PLCB1: variants seen among roughly 807,000 people sequenced by gnomAD.
The protein encoded by PLCB1 is phospholipase C beta 1, also known as 1-phosphatidylinositol 4,5-bisphosphate phosphodiesterase beta-1.
In PLCB1, 46 loss-of-function variants were observed where a neutral mutation model predicts 161.8. That is an observed-to-expected ratio of 0.28 (90% CI 0.22 to 0.36). The LOEUF is 0.36. PLCB1 is among the 10% of genes least tolerant of loss of function. The pLI is 1.00. For missense variants in PLCB1, 1,016 were observed against 1,472.5 expected (o/e 0.69, Z 5.07); for synonymous variants, 517 against 503.7 (o/e 1.03, Z -0.35).
chr20:8,781,417 AAC>A (rs745610188), intron 27 of PLCB1, among the ~76,000 whole-genome samples: 6,262 of 27,958 alleles, frequency 0.22, 358 homozygotes, highest in African/African-American at 0.34. Flanking sequence ...CACACACACA[AAC>A]ACACACACAC....
intron 20 of PLCB1, 91 bp from the exon 21 acceptor site, chr20:8,739,170 A>G (rs1160578102): frequency 1.2e-6 from 1 of 836,382 alleles, no homozygotes; most frequent in East Asian, 2.4e-5. Flanking sequence ...AAGAGAAAAG[A>G]AAAGCTAGTC....
At chr20:8,541,239 C>T (rs1424092373) in intron 3 of PLCB1, among the ~76,000 whole-genome samples, 4 of 152,172 alleles carry the variant, frequency 2.6e-5, no homozygotes, top group African/African-American at 9.7e-5. Flanking sequence ...TTTGTAACTG[C>T]TGGTGTGCCA....
intron 27 of PLCB1, among the ~76,000 whole-genome samples, chr20:8,782,948 G>A (rs1443669725): frequency 6.6e-6 from 1 of 152,130 alleles, no homozygotes; most frequent in Non-Finnish European, 1.5e-5. Context: ...TCCCTTTTGA[G>A]TTAGAGTCAA....
chr20:8,342,120 T>G (rs1985830903), intron 2 of PLCB1, among the ~76,000 whole-genome samples: 1 of 151,908 alleles, frequency 6.6e-6, no homozygotes, highest in Non-Finnish European at 1.5e-5. Context: ...TGCTCTGGAG[T>G]GTTGAGAATT....
intron 3 of PLCB1, among the ~76,000 whole-genome samples, chr20:8,496,447 T>C (rs1168029560): frequency 6.6e-6 from 1 of 152,186 alleles, no homozygotes; most frequent in Non-Finnish European, 1.5e-5. Context: ...GAGGCTGCAT[T>C]AAGCAGTGAT....
At chr20:8,653,879 G>A (rs545244229) in intron 7 of PLCB1, among the ~76,000 whole-genome samples, 5 of 151,936 alleles carry the variant, frequency 3.3e-5, no homozygotes, top group Non-Finnish European at 7.4e-5. Flanking sequence ...GACAAGTTTT[G>A]TAACCTCCTA....
intron 2 of PLCB1, among the ~76,000 whole-genome samples, chr20:8,331,258 G>A (rs1403542663): frequency 6.6e-6 from 1 of 151,954 alleles, no homozygotes. Context: ...ATGTTTTACA[G>A]ACAAAGACTT....
intron 31 of PLCB1, among the ~76,000 whole-genome samples, chr20:8,841,661 G>T (rs6140752): frequency 0.81 from 123,384 of 152,210 alleles, 50,154 homozygotes; most frequent in East Asian, 0.86. Flanking sequence ...ACTCTTACAC[G>T]TGTGCTAATT....
At position 8,684,909 on chromosome 20, in the gene PLCB1, C is replaced by T. The variant is rs189535872; in HGVS notation, c.863-23C>T. 398 of 1,601,052 alleles carry T rather than the reference C, an allele frequency of 2.5e-4. 1 individual carries two copies. The African/African-American group carries it at 4.4e-3, about 18-fold the overall frequency. ...ACCCATAAAAGAATGCATTCACATC[C>T]TTTCTAACTTCATTTCCTCCAGGAC... On this transcript the variant is annotated intron_variant, in intron 9 of 31. Transcript: ENST00000338037.
chr20:8,774,432 G>A, intron 26 of PLCB1, 107 bp from the exon 27 acceptor site: 1 of 1,113,816 alleles, frequency 9.0e-7, no homozygotes, highest in Non-Finnish European at 1.3e-6. Context: ...ATGAAAATAT[G>A]TATTTCCAAA....
intron 31 of PLCB1, among the ~76,000 whole-genome samples, chr20:8,843,148 C>A (rs996708419): frequency 1.3e-5 from 2 of 152,176 alleles, no homozygotes; most frequent in African/African-American, 4.8e-5. Flanking sequence ...TTAACTTACA[C>A]ATTAAGTTTT....
intron 2 of PLCB1, among the ~76,000 whole-genome samples, chr20:8,211,061 G>A (rs1179138438): frequency 1.3e-5 from 2 of 152,100 alleles, no homozygotes; most frequent in African/African-American, 4.8e-5. Context: ...TAACCTGTCT[G>A]CACTCTGAGC....
chr20:8,764,946 G>A (rs939231063), intron 25 of PLCB1, among the ~76,000 whole-genome samples, 193 bp from the exon 26 acceptor site: 1 of 152,208 alleles, frequency 6.6e-6, no homozygotes, highest in Non-Finnish European at 1.5e-5. Context: ...TCTCTGAGAA[G>A]TTTAGTAACA....
chr20:8,813,808 A>C (rs1262389634), intron 31 of PLCB1, among the ~76,000 whole-genome samples: 1 of 152,216 alleles, frequency 6.6e-6, no homozygotes. Context: ...AGCCAGGGCA[A>C]CAGAGCAAGA....
intron 2 of PLCB1, among the ~76,000 whole-genome samples, chr20:8,285,746 A>G (rs1983088533): frequency 6.6e-6 from 1 of 152,116 alleles, no homozygotes; most frequent in Admixed American, 6.6e-5. Context: ...AGATAGAGCA[A>G]CCTACTCCTA....
intron 3 of PLCB1, among the ~76,000 whole-genome samples, chr20:8,384,920 G>A (rs765544081): frequency 2.0e-5 from 3 of 152,134 alleles, no homozygotes; most frequent in Non-Finnish European, 4.4e-5. Flanking sequence ...TGGCATCTCT[G>A]ACCTCAAGGG....
At chr20:8,779,391 C>G (rs1983095699) in intron 27 of PLCB1, among the ~76,000 whole-genome samples, 1 of 150,902 alleles carries the variant, frequency 6.6e-6, no homozygotes, top group Non-Finnish European at 1.5e-5. Flanking sequence ...ACAGATATAA[C>G]TATTTGCCTA....
At chr20:8,661,673 G>A (rs1307374524) in intron 9 of PLCB1, among the ~76,000 whole-genome samples, 3 of 151,728 alleles carry the variant, frequency 2.0e-5, no homozygotes, top group African/African-American at 7.3e-5. Context: ...GATTGTGCCT[G>A]TTTATGTTTA....
chr20:8,639,272 C>G (rs940157822), intron 4 of PLCB1, among the ~76,000 whole-genome samples: 7 of 152,162 alleles, frequency 4.6e-5, no homozygotes, highest in Non-Finnish European at 1.0e-4. Flanking sequence ...GCTGAAGGAG[C>G]TATTTGGGAA....
Sources: allele counts gnomAD v4.1 joint callset (sites outside exome capture counted in the v4.1 genomes callset), GRCh38; gene constraint gnomAD v4.1.1; transcripts MANE v1.5; gene names NCBI Gene and HGNC (gene_info 2026-07-23, HGNC 2026-07-21).